TMEM135: variants seen among roughly 807,000 people sequenced by gnomAD.
The protein encoded by TMEM135 is transmembrane protein 135, also known as peroxisomal membrane protein 52.
Under a neutral mutation model 60.3 loss-of-function variants are expected in TMEM135, and 30 were observed. That is an observed-to-expected ratio of 0.50 (90% CI 0.37 to 0.68). The LOEUF is 0.68. TMEM135 is among the 30% of genes least tolerant of loss of function. TMEM135 has a pLI of 0.00. For missense variants in TMEM135, 468 were observed against 548.8 expected, an observed-to-expected ratio of 0.85 and a Z score of 1.47; for synonymous variants, 190 against 186.7, an observed-to-expected ratio of 1.02 and a Z score of -0.14.
chr11:87,060,492 A>G (rs1296792532), intron 1 of TMEM135, among the ~76,000 whole-genome samples: 1 of 152,224 alleles, frequency 6.6e-6, no homozygotes, highest in Non-Finnish European at 1.5e-5. Flanking sequence ...TATAACATGC[A>G]GTATGGATAA....
chr11:87,062,390 T>C (rs990235997), intron 1 of TMEM135, among the ~76,000 whole-genome samples: 1 of 60,560 alleles, frequency 1.7e-5, no homozygotes, highest in African/African-American at 6.6e-5. Context: ...TAGTTTCAGG[T>C]AGGGGTCAAA....
At chr11:87,270,496 T>G (rs563753846) in intron 6 of TMEM135, among the ~76,000 whole-genome samples, 2 of 152,314 alleles carry the variant, frequency 1.3e-5, no homozygotes, top group Admixed American at 1.3e-4. Context: ...ATTAGCTAAA[T>G]TAATAGCATT....
intron 5 of TMEM135, among the ~76,000 whole-genome samples, chr11:87,224,898 A>G (rs141289693): frequency 1.5e-4 from 23 of 152,210 alleles, no homozygotes; most frequent in African/African-American, 5.1e-4. Flanking sequence ...CTATATATGT[A>G]AACAAGTGAG....
intron 3 of TMEM135, among the ~76,000 whole-genome samples, chr11:87,073,393 C>T (rs1468053120): frequency 1.3e-5 from 2 of 152,106 alleles, no homozygotes; most frequent in African/African-American, 4.8e-5. Context: ...TTGTGGTTCT[C>T]TGTTTGATTA....
rs370898720 is a variant in TMEM135 at position 87,138,455 on chromosome 11, A to T, written c.397-18886A>T. Reference sequence around the variant, plus strand: ...TTTTTCAGCATTTGAAATTGCTTTAATGTAGTTAAGGAAATATTTGTTCAT... The same window carrying T: ...TTTTTCAGCATTTGAAATTGCTTTATTGTAGTTAAGGAAATATTTGTTCAT... On this transcript the variant is annotated intron_variant, in intron 4 of 14. Coordinates refer to ENST00000305494, the MANE Select transcript of TMEM135 (RefSeq NM_022918.4). Among the ~76,000 whole-genome samples the T allele has an allele frequency of 9.9e-5, 15 of 152,256 alleles. 1 individual carries two copies. Among genetic ancestry groups the T allele is most frequent in the African/African-American group, 1.7e-4 (7 of 41,554 alleles).
chr11:87,069,284 CAA>C (rs778885228), intron 2 of TMEM135, among the ~76,000 whole-genome samples: 442 of 62,504 alleles, frequency 7.1e-3, no homozygotes, highest in Non-Finnish European at 0.011. Context: ...GACTCCGTCT[CAA>C]AAAAAAAAAA....
chr11:87,210,892 A>G (rs1940353803), intron 5 of TMEM135, among the ~76,000 whole-genome samples: 4 of 152,184 alleles, frequency 2.6e-5, no homozygotes, highest in Admixed American at 2.6e-4. Context: ...TAAGAATGAA[A>G]ACAATGTGAT....
intron 5 of TMEM135, among the ~76,000 whole-genome samples, chr11:87,209,645 A>C (rs1364747627): frequency 6.6e-6 from 1 of 152,144 alleles, no homozygotes; most frequent in African/African-American, 2.4e-5. Context: ...GCAGAAAACT[A>C]ACAAAGATAT....
intron 14 of TMEM135, 57 bp from the exon 15 acceptor site, chr11:87,321,144 A>G: frequency 6.8e-7 from 1 of 1,462,060 alleles, no homozygotes; most frequent in Non-Finnish European, 9.3e-7. Context: ...ACTAAAATGA[A>G]TTATTTTATT....
At chr11:87,055,086 C>T (rs866892983) in intron 1 of TMEM135, among the ~76,000 whole-genome samples, 1 of 152,058 alleles carries the variant, frequency 6.6e-6, no homozygotes, top group Admixed American at 6.5e-5. Context: ...GTGGTAAGTG[C>T]TATTAAGAAG....
At chr11:87,115,548 C>T (rs969031343) in intron 4 of TMEM135, among the ~76,000 whole-genome samples, 3 of 151,998 alleles carry the variant, frequency 2.0e-5, no homozygotes, top group African/African-American at 7.2e-5. Context: ...TAATTTACAG[C>T]CTTTGAGGTA....
At position 87,185,913 on chromosome 11, in the gene TMEM135, C is replaced by CTTTTT. The variant is rs367985910; in HGVS notation, c.462+28513_462+28517dup. 2.9e-5 allele frequency among the ~76,000 whole-genome samples: 4 copies of CTTTTT among 138,894 alleles called. 1 individual carries two copies. The highest frequency in any genetic ancestry group is 1.1e-4 in the African/African-American group (4 of 36,656). The allele number at this position is 138,894 out of a possible 152,430, so 91.1% of individuals were successfully genotyped here. A position where few individuals can be genotyped will look rare whatever the true frequency, so the allele number is the denominator to read the frequency against. ...GTTTCAATCTGTTGTAGTTATCCTT[C>CTTTTT]TTTTTTTTTTGTGAGACAGAGGTTC... On this transcript the variant is annotated intron_variant, in intron 5 of 14. Transcript: ENST00000305494.
chr11:87,113,767 C>T (rs1195454774), intron 4 of TMEM135, among the ~76,000 whole-genome samples: 1 of 152,014 alleles, frequency 6.6e-6, no homozygotes, highest in Non-Finnish European at 1.5e-5. Context: ...ATTTTCCAGA[C>T]ACTGTCTCTT....
intron 4 of TMEM135, chr11:87,096,634 A>G (rs2445559): frequency 0.55 from 83,172 of 152,060 alleles, 23,540 homozygotes; most frequent in East Asian, 0.7. Flanking sequence ...TAGGCATTCT[A>G]AAAAATTTTC....
chr11:87,143,733 G>A (rs943119937), intron 4 of TMEM135, among the ~76,000 whole-genome samples: 4 of 152,086 alleles, frequency 2.6e-5, no homozygotes, highest in Non-Finnish European at 4.4e-5. Flanking sequence ...TTCAGAATTT[G>A]TGTCTCAGTC....
chr11:87,197,183 A>G (rs1037776976), intron 5 of TMEM135, among the ~76,000 whole-genome samples: 1 of 152,128 alleles, frequency 6.6e-6, no homozygotes, highest in Non-Finnish European at 1.5e-5. Flanking sequence ...TCTAAGGCTA[A>G]GATGCTCCTT....
At chr11:87,193,037 C>A (rs1314648749) in intron 5 of TMEM135, among the ~76,000 whole-genome samples, 2 of 152,130 alleles carry the variant, frequency 1.3e-5, no homozygotes, top group African/African-American at 4.8e-5. Flanking sequence ...ATCACTTGAA[C>A]CTGGGAGGCA....
At chr11:87,263,677 A>G (rs1301787736) in intron 6 of TMEM135, among the ~76,000 whole-genome samples, 1 of 152,120 alleles carries the variant, frequency 6.6e-6, no homozygotes, top group African/African-American at 2.4e-5. Context: ...TCACAGAATC[A>G]TAGGGTTTTA....
chr11:87,121,841 T>C (rs1937602528), intron 4 of TMEM135, among the ~76,000 whole-genome samples: 1 of 152,060 alleles, frequency 6.6e-6, no homozygotes, highest in Non-Finnish European at 1.5e-5. Flanking sequence ...GGATTCACCA[T>C]GTTGGCCAGG....
Sources: allele counts gnomAD v4.1 joint callset (sites outside exome capture counted in the v4.1 genomes callset), GRCh38; gene constraint gnomAD v4.1.1; transcripts MANE v1.5; gene names NCBI Gene and HGNC (gene_info 2026-07-23, HGNC 2026-07-21).